The following ATP2B4 variants were observed in gnomAD, a reference collection of about 807,000 sequenced individuals.
ATP2B4 encodes the protein plasma membrane calcium-transporting ATPase 4.
Under a neutral mutation model 110.3 loss-of-function variants are expected in ATP2B4, and 39 were observed. The ratio of observed to expected loss-of-function variants is 0.35; its 90% CI spans 0.27 to 0.46. The LOEUF (loss-of-function observed/expected upper bound fraction) is 0.46, where lower values mean the gene tolerates loss of function less well. Among genes scored for constraint, ATP2B4 ranks in the 20% least tolerant of loss-of-function variants. ATP2B4 has a pLI of 1.00. For missense variants in ATP2B4, 1,135 were observed against 1,530.9 expected (o/e 0.74, Z 4.32); for synonymous variants, 538 against 571.7 (o/e 0.94, Z 0.84).
chr1:203,662,757 T>C (rs1251873772), intron 1 of ATP2B4, among the ~76,000 whole-genome samples: 1 of 152,156 alleles, frequency 6.6e-6, no homozygotes, highest in Non-Finnish European at 1.5e-5. Context: ...ATATCATAAT[T>C]TGCAGTAATA....
chr1:203,663,819 G>C (rs948032068), intron 1 of ATP2B4, among the ~76,000 whole-genome samples: 14 of 152,194 alleles, frequency 9.2e-5, no homozygotes, highest in African/African-American at 2.7e-4. Context: ...GCCCAGGCTG[G>C]TCTCAAACTC....
In ATP2B4 at chr1:203,647,586, C is replaced by T. The variant is rs1037983970; in HGVS notation, c.-465+20367C>T. Among the ~76,000 whole-genome samples the T allele has an allele frequency of 2.0e-5, 3 of 151,904 alleles. No individual in the cohort carries two copies. In the South Asian group the frequency reaches 6.2e-4, roughly 32 times the overall value. On this transcript the variant is annotated intron_variant, in intron 1 of 20. Coordinates refer to ENST00000357681, the MANE Select transcript of ATP2B4 (RefSeq NM_001684.5). Reference sequence around the variant, plus strand: ...CCAGCCTGGGCACCATAGTCAGACCCCATCTCTACAAAAAGTATGAAAATT... The same window carrying T: ...CCAGCCTGGGCACCATAGTCAGACCTCATCTCTACAAAAAGTATGAAAATT...
In ATP2B4 at chr1:203,707,958, A is replaced by G. The variant is rs1305789733; in HGVS notation, c.1411A>G (p.Thr471Ala). Reference protein sequence around the residue: ...AICSDKTGTLTMNRMTVVQAY... With the variant: ...AICSDKTGTLAMNRMTVVQAY... ...CTGCTCTGATAAGACAGGCACGTTG[A>G]CCATGAACCGCATGACTGTGGTACA... The change falls in exon 10 of 21, where the codon ACC becomes GCC. Residue 471 changes from threonine to alanine, a missense_variant. Physicochemically the swap from Thr to Ala is moderately conservative, Grantham distance 58 (BLOSUM62 0). Coordinates refer to ENST00000357681, the MANE Select transcript of ATP2B4 (RefSeq NM_001684.5). 6.2e-7 allele frequency: 1 copy of G among 1,614,058 alleles called. No individual in the cohort carries two copies. The highest frequency in any genetic ancestry group is 1.3e-5 in the African/African-American group (1 of 74,926).
chr1:203,654,543 G>T (rs1664100091), intron 1 of ATP2B4, among the ~76,000 whole-genome samples: 1 of 152,132 alleles, frequency 6.6e-6, no homozygotes. Flanking sequence ...GATGGATCTG[G>T]GCAAAGTGAA....
At chr1:203,645,409 A>T (rs1463170587) in intron 1 of ATP2B4, among the ~76,000 whole-genome samples, 6 of 152,134 alleles carry the variant, frequency 3.9e-5, no homozygotes, top group Admixed American at 6.5e-5. Context: ...TTCTTCTGCT[A>T]GTTGCTTTAT....
intron 1 of ATP2B4, among the ~76,000 whole-genome samples, chr1:203,643,052 C>T (rs1663679540): frequency 6.6e-6 from 1 of 152,198 alleles, no homozygotes; most frequent in Non-Finnish European, 1.5e-5. Flanking sequence ...GGTCATAGCC[C>T]ACTGTCTCCC....
chr1:203,693,371 C>T (rs953282675), intron 2 of ATP2B4, among the ~76,000 whole-genome samples: 9 of 152,272 alleles, frequency 5.9e-5, no homozygotes, highest in Middle Eastern at 3.4e-3. Flanking sequence ...TGACCTGCCC[C>T]GCCTTGCTGC....
intron 2 of ATP2B4, among the ~76,000 whole-genome samples, chr1:203,692,699 T>G (rs918928775): frequency 2.0e-5 from 3 of 152,204 alleles, no homozygotes; most frequent in Admixed American, 2.0e-4. Context: ...GCTGAGCTGG[T>G]TCTGATAAGT....
chr1:203,677,733 G>A (rs1273445588), intron 1 of ATP2B4, among the ~76,000 whole-genome samples: 1 of 152,100 alleles, frequency 6.6e-6, no homozygotes, highest in Non-Finnish European at 1.5e-5. Flanking sequence ...CAAAGTGCTG[G>A]GATTACAAGC....
intron 20 of ATP2B4, chr1:203,733,208 T>C: frequency 6.2e-7 from 1 of 1,607,818 alleles, no homozygotes; most frequent in Non-Finnish European, 8.5e-7. Context: ...TGTCTCACTC[T>C]CTGATTCTTT....
rs372733075 is a variant in ATP2B4, at chr1:203,700,791, C to T, written c.776-7C>T. On this transcript the variant is annotated splice_polypyrimidine_tract_variant and splice_region_variant and intron_variant, in intron 5 of 20. Coordinates refer to ENST00000357681, the MANE Select transcript of ATP2B4 (RefSeq NM_001684.5). The stretch of plus-strand genomic sequence containing the variant: ...CATTCCTTCCCATCTTCTCCTTTCC[C>T]GTGTAGGGACCCATGTCATGGAAGG... 2.5e-5 allele frequency: 41 copies of T among 1,613,022 alleles called. No individual in the cohort carries two copies. The highest frequency in any genetic ancestry group is 2.6e-5 in the Non-Finnish European group (31 of 1,179,396).
chr1:203,726,533 T>C (rs1282406018), intron 19 of ATP2B4, among the ~76,000 whole-genome samples: 1 of 152,184 alleles, frequency 6.6e-6, no homozygotes, highest in East Asian at 1.9e-4. Flanking sequence ...GCCTCACATG[T>C]GGCCATGTGG....
At chr1:203,695,733 A>C (rs1665514983) in intron 2 of ATP2B4, among the ~76,000 whole-genome samples, 1 of 116,034 alleles carries the variant, frequency 8.6e-6, no homozygotes, top group Non-Finnish European at 1.7e-5. Flanking sequence ...CCCCACATCT[A>C]CCTTCCCAGA....
intron 15 of ATP2B4, 32 bp downstream of exon 15, chr1:203,714,309 A>C: frequency 6.2e-7 from 1 of 1,611,382 alleles, no homozygotes; most frequent in South Asian, 1.1e-5. Flanking sequence ...TCTGATTGCA[A>C]GCTGCCTTCT....
chr1:203,687,116 A>G (rs189258213), intron 2 of ATP2B4, among the ~76,000 whole-genome samples: 1 of 151,002 alleles, frequency 6.6e-6, no homozygotes, highest in South Asian at 2.1e-4. Context: ...TGTAAGAGTT[A>G]CCATAGGGCT....
intron 1 of ATP2B4, among the ~76,000 whole-genome samples, chr1:203,680,261 A>G (rs1664962854): frequency 6.6e-6 from 1 of 152,140 alleles, no homozygotes; most frequent in Non-Finnish European, 1.5e-5. Flanking sequence ...GGAAGGGCAC[A>G]TGGAGCTTAT....
Position 203,727,898 on chromosome 1 carries a change from C to CTTG in ATP2B4, c.3309+327_3309+328insTTG, listed in dbSNP as rs1310220144. Reference sequence around the variant, plus strand: ...GTCTCTTGCAAGCACTAGACCTGACCCCAGGGTGGGAAATGCTCAGTTTTT... The same window carrying CTTG: ...GTCTCTTGCAAGCACTAGACCTGACCTTGCCAGGGTGGGAAATGCTCAGTTTTT... On this transcript the variant is annotated intron_variant, in intron 20 of 20. Transcript: ENST00000357681. 3 of 372,042 alleles carry CTTG rather than the reference C, an allele frequency of 8.1e-6. No homozygotes were observed. The East Asian group carries it at 1.9e-4, about 24-fold the overall frequency. 23.0% of individuals were successfully genotyped at this position (372,042 alleles called of 1,614,324 possible).
intron 1 of ATP2B4, among the ~76,000 whole-genome samples, chr1:203,657,980 A>G (rs955485827): frequency 5.9e-5 from 9 of 152,316 alleles, no homozygotes; most frequent in African/African-American, 1.9e-4. Context: ...CTAGGATTAC[A>G]GGCGTGAACC....
intron 12 of ATP2B4, 31 bp from the exon 13 acceptor site, chr1:203,711,929 T>C: frequency 6.2e-7 from 1 of 1,608,118 alleles, no homozygotes; most frequent in Non-Finnish European, 8.5e-7. Flanking sequence ...CACCCTCATC[T>C]GCGCCTTTCC....
Sources: allele counts gnomAD v4.1 joint callset (sites outside exome capture counted in the v4.1 genomes callset), GRCh38; gene constraint gnomAD v4.1.1; transcripts MANE v1.5; gene names NCBI Gene and HGNC (gene_info 2026-07-23, HGNC 2026-07-21).